The following MGAT5 variants were observed in gnomAD, a reference collection of about 807,000 sequenced individuals.
MGAT5 encodes alpha-1,6-mannosylglycoprotein 6-beta-N-acetylglucosaminyltransferase A.
Under a neutral mutation model 94.3 loss-of-function variants are expected in MGAT5, and 30 were observed. The ratio of observed to expected loss-of-function variants is 0.32; its 90% CI spans 0.24 to 0.43. The LOEUF (loss-of-function observed/expected upper bound fraction) is 0.43, where lower values mean the gene tolerates loss of function less well. MGAT5 is among the 20% of genes least tolerant of loss of function. The pLI is 1.00. For synonymous variants in MGAT5, 310 were observed against 322.9 expected (o/e 0.96, Z 0.43); for missense variants, 691 against 905.5 (o/e 0.76, Z 3.04).
chr2:134,235,642 G>A (rs1182317019), intron 1 of MGAT5, among the ~76,000 whole-genome samples: 3 of 151,620 alleles, frequency 2.0e-5, no homozygotes, highest in Non-Finnish European at 2.9e-5. Context: ...TTCATGGCAC[G>A]TTTTGCTAAG....
chr2:134,321,161 G>A (rs778561469), intron 4 of MGAT5, among the ~76,000 whole-genome samples: 1 of 152,112 alleles, frequency 6.6e-6, no homozygotes, highest in African/African-American at 2.4e-5. Context: ...GGGGCCATGC[G>A]TGAACCTTCA....
At position 134,448,908 on chromosome 2, in the gene MGAT5, G is replaced by GGCAGGGCCAGGGACAGAAGTCAT; in HGVS notation, c.*68_*90dup. ...GAAGACAGTGGCCCCAGCCCCGTCA[G>GGCAGGGCCAGGGACAGAAGTCAT]GCAGGGCCAGGGACAGAAGTCATGC... On this transcript the variant is annotated 3_prime_UTR_variant, in exon 16 of 16. Transcript: ENST00000281923. 6 of 1,526,946 alleles carry GGCAGGGCCAGGGACAGAAGTCAT rather than the reference G, an allele frequency of 3.9e-6. No homozygotes were observed. The highest frequency in any genetic ancestry group is 5.4e-6 in the Non-Finnish European group (6 of 1,117,838). 94.6% of individuals were successfully genotyped at this position (1,526,946 alleles called of 1,614,324 possible).
At chr2:134,151,666 G>T (rs1687189045) in intron 1 of MGAT5, among the ~76,000 whole-genome samples, 1 of 57,104 alleles carries the variant, frequency 1.8e-5, no homozygotes, top group Non-Finnish European at 3.1e-5. Context: ...CCTCACTCAT[G>T]CCCTGTGGGA....
At chr2:134,169,449 A>G (rs558431918) in intron 1 of MGAT5, among the ~76,000 whole-genome samples, 1 of 151,618 alleles carries the variant, frequency 6.6e-6, no homozygotes, top group East Asian at 1.9e-4. Flanking sequence ...CATATATAAA[A>G]GATTGAATTG....
intron 10 of MGAT5, among the ~76,000 whole-genome samples, chr2:134,373,929 A>C (rs1349055899): frequency 1.3e-5 from 2 of 152,192 alleles, no homozygotes; most frequent in Non-Finnish European, 2.9e-5. Flanking sequence ...ATTCCTCGTC[A>C]ACACTGCTAG....
chr2:134,321,134 C>T (rs182067825), intron 4 of MGAT5, among the ~76,000 whole-genome samples: 1 of 152,150 alleles, frequency 6.6e-6, no homozygotes, highest in African/African-American at 2.4e-5. Context: ...ATTTCCTTCT[C>T]CAGAGGAGTA....
rs1362236004 is a variant in MGAT5, at chr2:134,449,910, G to A, written c.*1063G>A. 6.6e-6 allele frequency: 1 copy of A among 152,330 alleles called. No homozygotes were observed. Among genetic ancestry groups the A allele is most frequent in the African/African-American group, 2.4e-5 (1 of 41,416 alleles). The allele number at this position is 152,330 out of a possible 1,614,324, so 9.4% of individuals were successfully genotyped here. On this transcript the variant is annotated 3_prime_UTR_variant, in exon 16 of 16. Coordinates refer to ENST00000281923, the MANE Select transcript of MGAT5 (RefSeq NM_002410.5). ...GATGGCACCAAAGTCCAGGGAAGGG[G>A]GCTCTTGATGTCTGCTGGGGGAGTG...
intron 1 of MGAT5, among the ~76,000 whole-genome samples, chr2:134,130,207 G>A (rs1241541715): frequency 3.5e-3 from 237 of 67,672 alleles, no homozygotes; most frequent in Non-Finnish European, 5.7e-3. Context: ...AGCCCGCCCC[G>A]CCCCACACCG....
At chr2:134,159,871 C>T (rs1399945303) in intron 1 of MGAT5, among the ~76,000 whole-genome samples, 7 of 152,174 alleles carry the variant, frequency 4.6e-5, no homozygotes, top group Non-Finnish European at 1.0e-4. Flanking sequence ...TCTCCTTACT[C>T]CCTAGAAGAT....
intron 1 of MGAT5, among the ~76,000 whole-genome samples, chr2:134,263,056 T>A (rs1683439036): frequency 6.6e-6 from 1 of 152,152 alleles, no homozygotes; most frequent in Non-Finnish European, 1.5e-5. Context: ...GTGGTGGTGT[T>A]TCTGGCATGG....
At chr2:134,318,884 C>G in intron 4 of MGAT5, 145 bp downstream of exon 4, 1 of 504,386 alleles carries the variant, frequency 2.0e-6, no homozygotes. Flanking sequence ...CTCCCTACCT[C>G]TCCAGGAATG....
At position 134,454,367 on chromosome 2, in the gene MGAT5, C is replaced by T. The variant is rs1173738630; in HGVS notation, c.*5520C>T. ...TAGTTGATGCCAAAGGAGATGGTGA[C>T]GTCCCTTCCACTGTAGTTGCTGTCA... On this transcript the variant is annotated 3_prime_UTR_variant, in exon 16 of 16. Transcript: ENST00000281923. 1 of 152,196 alleles carries T rather than the reference C, an allele frequency of 6.6e-6. No homozygotes were observed. Among genetic ancestry groups the T allele is most frequent in the Non-Finnish European group, 1.5e-5 (1 of 68,040 alleles). 9.4% of individuals were successfully genotyped at this position (152,196 alleles called of 1,614,324 possible).
intron 1 of MGAT5, among the ~76,000 whole-genome samples, chr2:134,266,224 T>A (rs1269953107): frequency 2.6e-5 from 4 of 152,254 alleles, no homozygotes; most frequent in East Asian, 3.9e-4. Context: ...ATTTTATTTT[T>A]GTTTATTTGA....
At chr2:134,349,491 G>A (rs1334599695) in intron 8 of MGAT5, among the ~76,000 whole-genome samples, 1 of 152,190 alleles carries the variant, frequency 6.6e-6, no homozygotes, top group Non-Finnish European at 1.5e-5. Flanking sequence ...TGGGGGTACA[G>A]CATTGAACAT....
At chr2:134,123,595 G>GTGGCATTCTGTGTTGATGC (rs1685713497) in intron 1 of MGAT5, among the ~76,000 whole-genome samples, 1 of 152,182 alleles carries the variant, frequency 6.6e-6, no homozygotes, top group Non-Finnish European at 1.5e-5. Context: ...GTGGTTGGGG[G>GTGGCATTCTGTGTTGATGC]TGGCATTCTG....
chr2:134,271,196 T>A (rs1321086610), intron 2 of MGAT5, among the ~76,000 whole-genome samples: 1 of 151,762 alleles, frequency 6.6e-6, no homozygotes, highest in African/African-American at 2.4e-5. Flanking sequence ...CTGCATGTTG[T>A]TGCCTGCAGC....
rs569348004 is a variant in MGAT5, at chr2:134,219,924, T to A, written c.-142-34338T>A. Among the ~76,000 whole-genome samples, 16 of 152,284 alleles carry A rather than the reference T, an allele frequency of 1.1e-4. No individual in the cohort carries two copies. The East Asian group carries it at 2.9e-3, about 28-fold the overall frequency. ...GAGATGGCACTACTCCCTTACTTGGTTGAGTTATTGAGAGGAACAACTGAA... is the reference window on the plus strand; with the variant it reads ...GAGATGGCACTACTCCCTTACTTGGATGAGTTATTGAGAGGAACAACTGAA... On this transcript the variant is annotated intron_variant, in intron 1 of 16. Transcript: ENST00000409645.
At chr2:134,167,839 G>C (rs148076186) in intron 1 of MGAT5, among the ~76,000 whole-genome samples, 1 of 152,326 alleles carries the variant, frequency 6.6e-6, no homozygotes, top group East Asian at 1.9e-4. Flanking sequence ...TATTATCTCT[G>C]TAATCCAAGT....
chr2:134,127,428 C>G (rs147485616), intron 1 of MGAT5, among the ~76,000 whole-genome samples: 1 of 151,946 alleles, frequency 6.6e-6, no homozygotes, highest in African/African-American at 2.4e-5. Context: ...ATACGATCAA[C>G]TTTTAGAGGT....
Sources: gnomAD v4.1 joint callset for allele counts (sites outside exome capture counted in the v4.1 genomes callset) on GRCh38, gnomAD v4.1.1 for gene constraint, MANE v1.5 for transcripts, NCBI Gene and HGNC (gene_info 2026-07-23, HGNC 2026-07-21) for gene names.